Variants in NOL10 observed in about 807,000 individuals in gnomAD.
NOL10 encodes the protein H_NH0074G24.1.
A neutral mutation model predicts 103.5 loss-of-function variants in NOL10; 58 were observed. That is an observed-to-expected ratio of 0.56 (90% CI 0.45 to 0.70). The LOEUF (loss-of-function observed/expected upper bound fraction) is 0.70. Among genes scored for constraint, NOL10 ranks in the 30% least tolerant of loss-of-function variants. NOL10 has a pLI of 0.00. For missense variants in NOL10, 763 were observed against 807.3 expected, an observed-to-expected ratio of 0.95 and a Z score of 0.67; for synonymous variants, 287 against 282.5, an observed-to-expected ratio of 1.02 and a Z score of -0.16.
chr2:10,609,200 T>C (rs536690631), intron 13 of NOL10, among the ~76,000 whole-genome samples: 8 of 151,012 alleles, frequency 5.3e-5, no homozygotes, highest in Non-Finnish European at 8.8e-5. Context: ...ACACACACAA[T>C]GTGTGTGCAA....
At chr2:10,648,454 T>C (rs926045795) in intron 12 of NOL10, among the ~76,000 whole-genome samples, 3 of 152,218 alleles carry the variant, frequency 2.0e-5, no homozygotes, top group Non-Finnish European at 4.4e-5. Flanking sequence ...TGCTCTCTTA[T>C]GAAATAAATT....
At chr2:10,606,059 G>T (rs1676237612) in intron 14 of NOL10, among the ~76,000 whole-genome samples, 1 of 152,096 alleles carries the variant, frequency 6.6e-6, no homozygotes, top group African/African-American at 2.4e-5. Context: ...TCTGACAGCA[G>T]CAGAACAAGA....
At chr2:10,605,085 T>A (rs1260125876) in intron 14 of NOL10, among the ~76,000 whole-genome samples, 2 of 152,322 alleles carry the variant, frequency 1.3e-5, no homozygotes, top group East Asian at 1.9e-4. Flanking sequence ...ATTATTCCCA[T>A]TTTACATATG....
chr2:10,637,178 G>GAC (rs1678294899), intron 13 of NOL10, among the ~76,000 whole-genome samples: 1 of 91,578 alleles, frequency 1.1e-5, no homozygotes, highest in African/African-American at 4.5e-5. Context: ...CACGGAGCAA[G>GAC]ACACTGTCTC....
At chr2:10,574,474 T>C (rs1447431117) in intron 20 of NOL10, among the ~76,000 whole-genome samples, 1 of 152,068 alleles carries the variant, frequency 6.6e-6, no homozygotes, top group African/African-American at 2.4e-5. Context: ...GGTGAAACCG[T>C]GTCTCTACTA....
At chr2:10,662,895 T>C (rs1680295784) in intron 9 of NOL10, 64 bp downstream of exon 9, 1 of 1,177,430 alleles carries the variant, frequency 8.5e-7, no homozygotes, top group Non-Finnish European at 1.2e-6. Flanking sequence ...TTGAATTTAA[T>C]ATAGACACAT....
intron 8 of NOL10, among the ~76,000 whole-genome samples, chr2:10,664,794 C>A (rs1194402789): frequency 6.6e-6 from 1 of 152,188 alleles, no homozygotes; most frequent in Non-Finnish European, 1.5e-5. Flanking sequence ...CTCGCACTTC[C>A]AAAGAGCTGG....
intron 9 of NOL10, among the ~76,000 whole-genome samples, chr2:10,660,288 T>C (rs535900727): frequency 2.0e-5 from 3 of 152,308 alleles, no homozygotes; most frequent in East Asian, 1.9e-4. Flanking sequence ...TATAGTGATA[T>C]ACTTCTCTAC....
rs79697021 is a variant in NOL10, at chr2:10,654,981, G to A, written c.907-434C>T. Among the ~76,000 whole-genome samples, 988 of 152,000 alleles carry A rather than the reference G, an allele frequency of 6.5e-3. 4 individuals carry two copies. The highest frequency in any genetic ancestry group is 0.017 in the Admixed American group (264 of 15,244). ...TACCAGCACTTTGGGAGGCTGAGGCGTGGAGATGACTTGAGGTCAGGAGTT... is the reference window on the plus strand; with the variant it reads ...TACCAGCACTTTGGGAGGCTGAGGCATGGAGATGACTTGAGGTCAGGAGTT... On this transcript the variant is annotated intron_variant, in intron 11 of 20. Coordinates refer to ENST00000381685, the MANE Select transcript of NOL10 (RefSeq NM_024894.4).
chr2:10,627,861 A>G (rs1677578238), intron 13 of NOL10, among the ~76,000 whole-genome samples: 1 of 145,614 alleles, frequency 6.9e-6, no homozygotes, highest in African/African-American at 2.5e-5. Flanking sequence ...CCATGTAACA[A>G]ACCTATACAT....
chr2:10,599,211 G>A (rs1340930721), intron 17 of NOL10, among the ~76,000 whole-genome samples: 1 of 152,206 alleles, frequency 6.6e-6, no homozygotes, highest in Non-Finnish European at 1.5e-5. Flanking sequence ...TCTATCAGAT[G>A]ATAAAGACTC....
chr2:10,638,442 A>T (rs1678453732), intron 13 of NOL10, among the ~76,000 whole-genome samples: 1 of 151,660 alleles, frequency 6.6e-6, no homozygotes, highest in Non-Finnish European at 1.5e-5. Flanking sequence ...TAAAAAAAGA[A>T]AAAAACAAAA....
intron 3 of NOL10, among the ~76,000 whole-genome samples, chr2:10,678,155 C>T (rs1681459058): frequency 4.0e-5 from 6 of 151,836 alleles, no homozygotes; most frequent in Admixed American, 3.9e-4. Flanking sequence ...CTCAGGCAAT[C>T]CTCCTGCCTC....
chr2:10,611,018 T>C (rs2148200422), intron 13 of NOL10, among the ~76,000 whole-genome samples: 1 of 152,346 alleles, frequency 6.6e-6, no homozygotes, highest in South Asian at 2.1e-4. Flanking sequence ...CTTGCTGTGT[T>C]GCCTAGGCTG....
intron 14 of NOL10, among the ~76,000 whole-genome samples, chr2:10,604,490 A>G (rs1386985637): frequency 6.6e-6 from 1 of 152,244 alleles, no homozygotes; most frequent in Non-Finnish European, 1.5e-5. Context: ...TTAGGTTAAT[A>G]AAAATATGGG....
intron 11 of NOL10, among the ~76,000 whole-genome samples, chr2:10,654,912 A>C (rs901297818): frequency 1.3e-5 from 2 of 152,164 alleles, no homozygotes; most frequent in African/African-American, 4.8e-5. Flanking sequence ...ACTTGTATTG[A>C]AAGAAATCGG....
At chr2:10,677,009 G>C (rs1267618371) in intron 3 of NOL10, among the ~76,000 whole-genome samples, 1 of 151,104 alleles carries the variant, frequency 6.6e-6, no homozygotes, top group Admixed American at 6.6e-5. Flanking sequence ...AGTAATCTCA[G>C]CTCACTGCAA....
rs897860231 is a variant in NOL10 at position 10,682,057 on chromosome 2, C to A, written c.125G>T (p.Arg42Ile). 3 of 1,482,148 alleles carry A rather than the reference C, an allele frequency of 2.0e-6. No individual in the cohort carries two copies. Among genetic ancestry groups the A allele is most frequent in the Non-Finnish European group, 2.7e-6 (3 of 1,107,128 alleles). The allele number at this position is 1,482,148 out of a possible 1,614,324, so 91.8% of individuals were successfully genotyped here. ...LQKKDVDVRR[R>I]IELIQDFEMP... is the part of the protein sequence containing the mutation. Reference sequence around the variant, plus strand: ...TTCAAAGTCCTGAATAAGTTCAATTCTCCTACGGACATCTAAAAAGAGAGA... The same window carrying A: ...TTCAAAGTCCTGAATAAGTTCAATTATCCTACGGACATCTAAAAAGAGAGA... The change falls in exon 3 of 21, where the codon AGA (arginine) becomes ATA (isoleucine). Residue 42 changes from arginine (R) to isoleucine (I), a missense_variant. Coordinates refer to ENST00000381685, the MANE Select transcript of NOL10 (RefSeq NM_024894.4).
At chr2:10,688,693 C>A (rs1205815102) in intron 1 of NOL10, among the ~76,000 whole-genome samples, 3 of 152,220 alleles carry the variant, frequency 2.0e-5, no homozygotes, top group Non-Finnish European at 2.9e-5. Context: ...GTTTATTTCC[C>A]TTTTCCCCAA....
Sources: gnomAD v4.1 joint callset for allele counts (sites outside exome capture counted in the v4.1 genomes callset) on GRCh38, gnomAD v4.1.1 for gene constraint, MANE v1.5 for transcripts, NCBI Gene and HGNC (gene_info 2026-07-23, HGNC 2026-07-21) for gene names.